RIC1: variants seen among roughly 807,000 people sequenced by gnomAD.
The protein encoded by RIC1 is RIC1 partner of RAB6A GEF complex.
Under a neutral mutation model 169.0 loss-of-function variants are expected in RIC1, and 88 were observed. That is an observed-to-expected ratio of 0.52 (90% confidence interval 0.44 to 0.62). The LOEUF (loss-of-function observed/expected upper bound fraction) is 0.62, where lower values mean the gene tolerates loss of function less well. RIC1 is among the 20% of genes least tolerant of loss of function. The pLI, the probability that RIC1 is intolerant of heterozygous loss-of-function variation, is 0.00. For synonymous variants in RIC1, 790 were observed against 601.5 expected (o/e 1.31, Z -4.59); for missense variants, 1,877 against 1,725.5 (o/e 1.09, Z -1.56).
intron 12 of RIC1, chr9:5,748,756 T>C (rs1316384620): frequency 1.3e-5 from 2 of 152,614 alleles, no homozygotes; most frequent in African/African-American, 2.4e-5. Flanking sequence ...ATAACAAAAA[T>C]TGAATTTCCT....
At chr9:5,717,829 A>G (rs915160726) in intron 4 of RIC1, among the ~76,000 whole-genome samples, 4 of 148,646 alleles carry the variant, frequency 2.7e-5, no homozygotes, top group Non-Finnish European at 5.9e-5. Context: ...AGAGTAAGAG[A>G]CTGTTTAAAA....
At chr9:5,688,128 A>G (rs1821363141) in intron 2 of RIC1, among the ~76,000 whole-genome samples, 1 of 152,210 alleles carries the variant, frequency 6.6e-6, no homozygotes, top group Non-Finnish European at 1.5e-5. Flanking sequence ...AAATATAGCA[A>G]AAGGTTTTAA....
rs115279432 is a variant in RIC1, at chr9:5,670,178, C to A, written c.252+13488C>A. ...CCCCTTCTGCAGCTTCTAAGTTCAG[C>A]AGATGTCTTGTGGGAAAAATTGGCT... On this transcript the variant is annotated intron_variant, in intron 2 of 25. Coordinates refer to ENST00000414202, the MANE Select transcript of RIC1 (RefSeq NM_020829.4). Among the ~76,000 whole-genome samples, 572 of 152,324 alleles carry A rather than the reference C, an allele frequency of 3.8e-3. 1 individual carries two copies. Among genetic ancestry groups the A allele is most frequent in the African/African-American group, 0.013 (533 of 41,578 alleles).
At chr9:5,634,447 GT>G (rs1426482291) in intron 1 of RIC1, among the ~76,000 whole-genome samples, 7 of 152,122 alleles carry the variant, frequency 4.6e-5, no homozygotes, top group Non-Finnish European at 1.0e-4. Flanking sequence ...GTATCTTATG[GT>G]TTTGATTTGC....
At chr9:5,726,495 G>A (rs1823996632) in intron 6 of RIC1, among the ~76,000 whole-genome samples, 1 of 152,130 alleles carries the variant, frequency 6.6e-6, no homozygotes, top group African/African-American at 2.4e-5. Flanking sequence ...GATGGGTCTT[G>A]ACACTTTATC....
intron 6 of RIC1, among the ~76,000 whole-genome samples, chr9:5,724,541 T>A (rs1157176162): frequency 6.6e-6 from 1 of 152,226 alleles, no homozygotes; most frequent in African/African-American, 2.4e-5. Context: ...CCTAATTGAA[T>A]ACCCTTTATT....
chr9:5,689,259 G>C (rs1821452826), intron 2 of RIC1, among the ~76,000 whole-genome samples: 1 of 151,822 alleles, frequency 6.6e-6, no homozygotes, highest in Admixed American at 6.6e-5. Context: ...CACCACGTTA[G>C]CCAGAATGGT....
intron 1 of RIC1, among the ~76,000 whole-genome samples, chr9:5,631,714 T>C (rs1480715738): frequency 6.6e-6 from 1 of 151,248 alleles, no homozygotes; most frequent in African/African-American, 2.4e-5. Context: ...AAATCAAATA[T>C]TGAACCAAGT....
At chr9:5,683,733 T>C (rs568374493) in intron 2 of RIC1, among the ~76,000 whole-genome samples, 3 of 152,342 alleles carry the variant, frequency 2.0e-5, no homozygotes, top group African/African-American at 7.2e-5. Context: ...GTCTGTGCCC[T>C]GCCCCCAGAG....
At chr9:5,678,107 T>G (rs1481906641) in intron 2 of RIC1, among the ~76,000 whole-genome samples, 1 of 152,140 alleles carries the variant, frequency 6.6e-6, no homozygotes, top group South Asian at 2.1e-4. Context: ...GTTTGTTTTT[T>G]TGTCCTTGGG....
intron 4 of RIC1, 84 bp downstream of exon 4, chr9:5,714,087 G>C (rs1269649242): frequency 5.0e-6 from 4 of 795,444 alleles, no homozygotes; most frequent in Non-Finnish European, 7.9e-6. Flanking sequence ...AGGAAAGTTA[G>C]TTTAATTTCT....
intron 2 of RIC1, among the ~76,000 whole-genome samples, chr9:5,687,249 T>C (rs1377459555): frequency 6.6e-6 from 1 of 152,170 alleles, no homozygotes; most frequent in African/African-American, 2.4e-5. Flanking sequence ...TATGTCAGTT[T>C]TAGTGATCTT....
At chr9:5,737,603 T>TGTGTG (rs61521124) in intron 7 of RIC1, among the ~76,000 whole-genome samples, 1 of 33,386 alleles carries the variant, frequency 3.0e-5, no homozygotes, top group Non-Finnish European at 5.2e-5. Context: ...CACACACATG[T>TGTGTG]TTTATATCTT....
At chr9:5,725,134 A>T (rs887734394) in intron 6 of RIC1, among the ~76,000 whole-genome samples, 9 of 152,164 alleles carry the variant, frequency 5.9e-5, no homozygotes, top group Non-Finnish European at 8.8e-5. Flanking sequence ...AAGGAATGGT[A>T]CCAGTTCCTC....
intron 17 of RIC1, among the ~76,000 whole-genome samples, chr9:5,758,397 C>G (rs537201922): frequency 3.2e-4 from 49 of 152,206 alleles, no homozygotes; most frequent in Non-Finnish European, 3.8e-4. Flanking sequence ...GCACTTCGAT[C>G]AAACCTCAAC....
At position 5,664,761 on chromosome 9, in the gene RIC1, G is replaced by C. The variant is rs1482371908; in HGVS notation, c.252+8071G>C. 3.9e-5 allele frequency among the ~76,000 whole-genome samples: 6 copies of C among 152,050 alleles called. No homozygotes were observed. The East Asian group carries it at 1.2e-3, about 29-fold the overall frequency. ...TTTCAGGTACCCCAGTCAGTCTTAGGTTCAGTTTATTTACATAATCCCACA... is the reference window on the plus strand; with the variant it reads ...TTTCAGGTACCCCAGTCAGTCTTAGCTTCAGTTTATTTACATAATCCCACA... On this transcript the variant is annotated intron_variant, in intron 2 of 25. Coordinates refer to ENST00000414202, the MANE Select transcript of RIC1 (RefSeq NM_020829.4).
At chr9:5,744,376 AT>A (rs1029160577) in intron 10 of RIC1, among the ~76,000 whole-genome samples, 7 of 152,106 alleles carry the variant, frequency 4.6e-5, no homozygotes, top group Non-Finnish European at 1.0e-4. Context: ...CCTTGAGCAT[AT>A]TTTTTAAAAT....
chr9:5,656,887 A>T (rs1207004381), intron 2 of RIC1, among the ~76,000 whole-genome samples, 197 bp downstream of exon 2: 1 of 152,150 alleles, frequency 6.6e-6, no homozygotes, highest in Non-Finnish European at 1.5e-5. Flanking sequence ...CTACTTCCTT[A>T]ACAAAGCACC....
intron 3 of RIC1, among the ~76,000 whole-genome samples, chr9:5,694,810 G>A (rs1221503113): frequency 1.3e-5 from 2 of 148,364 alleles, no homozygotes; most frequent in East Asian, 2.0e-4. Flanking sequence ...TTTTTTTTTG[G>A]TTCTATGAAA....
Sources: allele counts gnomAD v4.1 joint callset (sites outside exome capture counted in the v4.1 genomes callset), GRCh38; gene constraint gnomAD v4.1.1; transcripts MANE v1.5; gene names NCBI Gene and HGNC (gene_info 2026-07-23, HGNC 2026-07-21).